The following MOCS1 variants were observed in gnomAD, a reference collection of about 807,000 sequenced individuals.
MOCS1 encodes molybdenum cofactor biosynthesis protein 1.
A neutral mutation model predicts 57.6 loss-of-function variants in MOCS1; 39 were observed. That is an observed-to-expected ratio of 0.68 (90% CI 0.52 to 0.88). The LOEUF (loss-of-function observed/expected upper bound fraction) is 0.88. MOCS1 is among the 40% of genes least tolerant of loss of function. MOCS1 has a pLI of 0.00. For synonymous variants in MOCS1, 334 were observed against 335.7 expected, an observed-to-expected ratio of 1.00 and a Z score of 0.05; for missense variants, 795 against 831.1, an observed-to-expected ratio of 0.96 and a Z score of 0.53.
Position 39,934,441 on chromosome 6 carries a change from C to CA in MOCS1, c.-25dup, listed in dbSNP as rs1768810852. 1 of 1,561,026 alleles carries CA rather than the reference C, an allele frequency of 6.4e-7. No individual in the cohort carries two copies. Among genetic ancestry groups the CA allele is most frequent in the African/African-American group, 1.3e-5 (1 of 74,152 alleles). ...ATGAAGCCTGATACGAGCGGAACCG[C>CA]AGCCCGCTTCGGGAGCACACTGGCC... On this transcript the variant is annotated 5_prime_UTR_variant, in exon 1 of 11. Transcript: ENST00000340692.
chr6:39,928,081 G>T (rs1395519218), intron 1 of MOCS1, among the ~76,000 whole-genome samples: 1 of 151,942 alleles, frequency 6.6e-6, no homozygotes, highest in Non-Finnish European at 1.5e-5. Context: ...ACTCCACAAG[G>T]GATTATTATA....
rs763161004 is a variant in MOCS1, at chr6:39,931,353, AG to A, written c.123+2941del. Among the ~76,000 whole-genome samples the A allele has an allele frequency of 6.8e-4, 103 of 151,680 alleles. 1 individual carries two copies. Among genetic ancestry groups the A allele is most frequent in the Non-Finnish European group, 1.3e-3 (86 of 68,020 alleles). On this transcript the variant is annotated intron_variant, in intron 1 of 10. Transcript: ENST00000340692. Reference sequence around the variant, plus strand: ...AGCTCCAAAGTCTAAACAGAGCAGCAGGGTTATTCGAGAGGAAAAAAAGCAC... The same window carrying A: ...AGCTCCAAAGTCTAAACAGAGCAGCAGGTTATTCGAGAGGAAAAAAAGCAC...
rs761620154 is a variant in MOCS1, at chr6:39,927,497, C to T, written c.124-42G>A. 1.4e-5 allele frequency: 23 copies of T among 1,609,858 alleles called. No individual in the cohort carries two copies. Among genetic ancestry groups the T allele is most frequent in the Middle Eastern group, 1.7e-4 (1 of 6,056 alleles). On this transcript the variant is annotated intron_variant, in intron 1 of 10. Transcript: ENST00000340692. ...GGGAGGAAGCATGGGCCCCTGCTAC[C>T]GGGCTGGGAAGAGGCACAAGGAGAA... is the stretch of plus-strand genomic sequence containing the variant.
Position 39,904,983 on chromosome 6 carries a change from A to G in MOCS1, c.*1374T>C, listed in dbSNP as rs772338186. 2.2e-6 allele frequency: 1 copy of G among 453,924 alleles called. No homozygotes were observed. Among genetic ancestry groups the G allele is most frequent in the South Asian group, 1.6e-5 (1 of 64,476 alleles). 28.1% of individuals were successfully genotyped at this position (453,924 alleles called of 1,614,324 possible). On this transcript the variant is annotated 3_prime_UTR_variant, in exon 11 of 11. Transcript: ENST00000340692. ...GAACCAATTGTTTACATTTTCAGAAATTTTGCAAGCCATTTGACATACTGG... is the reference window on the plus strand; with the variant it reads ...GAACCAATTGTTTACATTTTCAGAAGTTTTGCAAGCCATTTGACATACTGG...
rs773214986 is a variant in MOCS1 at position 39,934,395 on chromosome 6, C to T, written c.23G>A (p.Arg8Gln). The T allele has an allele frequency of 8.9e-6, 14 of 1,564,870 alleles. No individual in the cohort carries two copies. Among genetic ancestry groups the T allele is most frequent in the Non-Finnish European group, 1.1e-5 (13 of 1,160,184 alleles). The change falls in exon 1 of 11, where the codon CGG becomes CAG. Residue 8 changes from arginine (R) to glutamine (Q), a missense_variant. Arg to Gln is a conservative substitution (Grantham distance 43, BLOSUM62 1). Transcript: ENST00000340692. ...GGACCTCAGAAGCCGCCGCAGCATC[C>T]GGGACAGTGGCCGCGCCGCCATGAA... MAARPLS[R>Q]MLRRLLRSSA... is the part of the protein sequence containing the mutation.
intron 1 of MOCS1, among the ~76,000 whole-genome samples, chr6:39,934,082 G>A (rs908435300): frequency 1.3e-5 from 2 of 152,128 alleles, no homozygotes; most frequent in African/African-American, 2.4e-5. Flanking sequence ...GGGGCAGGGA[G>A]GTTCTGAAGC....
intron 1 of MOCS1, among the ~76,000 whole-genome samples, chr6:39,927,940 C>G (rs1768431232): frequency 6.6e-6 from 1 of 152,098 alleles, no homozygotes; most frequent in African/African-American, 2.4e-5. Flanking sequence ...TCCGTCTCCC[C>G]CTGACCTATC....
chr6:39,916,305 A>AT, intron 3 of MOCS1, 73 bp from the exon 4 acceptor site: 12 of 1,583,894 alleles, frequency 7.6e-6, no homozygotes, highest in Non-Finnish European at 1.0e-5. Context: ...GCTGGAAGGC[A>AT]AAACTCTTTG....
intron 2 of MOCS1, among the ~76,000 whole-genome samples, chr6:39,926,085 T>C (rs960896353): frequency 6.6e-6 from 1 of 152,206 alleles, no homozygotes; most frequent in African/African-American, 2.4e-5. Context: ...AATCTGGCCA[T>C]AACATCCCTC....
intron 10 of MOCS1, among the ~76,000 whole-genome samples, chr6:39,908,688 C>A (rs1406090349): frequency 6.6e-6 from 1 of 152,132 alleles, no homozygotes; most frequent in Non-Finnish European, 1.5e-5. Context: ...ACAGAGGACA[C>A]CTGTCACATT....
At chr6:39,927,505 G>T in intron 1 of MOCS1, 50 bp from the exon 2 acceptor site, 1 of 1,610,376 alleles carries the variant, frequency 6.2e-7, no homozygotes, top group Non-Finnish European at 8.5e-7. Flanking sequence ...ACCGGGCTGG[G>T]AAGAGGCACA....
chr6:39,916,186 G>A lies in MOCS1; in HGVS notation c.465C>T (p.Thr155=). ...LEGLRTIGVT[T]NGINLARLLP... ...GTAGCCGGGCCAGGTTGATGCCATT[G>A]GTGGTAACACCTATGGTTCTCAGCC... The change falls in exon 4 of 11, where the codon ACC becomes ACT. Residue 155 remains threonine (T), a synonymous_variant. Transcript: ENST00000340692. 1 of 1,614,032 alleles carries A rather than the reference G, an allele frequency of 6.2e-7. No homozygotes were observed. Among genetic ancestry groups the A allele is most frequent in the Non-Finnish European group, 8.5e-7 (1 of 1,180,000 alleles).
At chr6:39,934,227 G>A in intron 1 of MOCS1, 68 bp downstream of exon 1, 1 of 1,463,806 alleles carries the variant, frequency 6.8e-7, no homozygotes, top group Non-Finnish European at 9.0e-7. Flanking sequence ...AGCTACTGGG[G>A]GAAAAGGGCA....
chr6:39,925,563 C>T, intron 3 of MOCS1, 115 bp downstream of exon 3: 1 of 1,235,540 alleles, frequency 8.1e-7, no homozygotes, highest in Non-Finnish European at 1.2e-6. Flanking sequence ...TGTTGTAGGA[C>T]CAAGAGAGTG....
chr6:39,910,791 T>C (rs1228312464), intron 8 of MOCS1, among the ~76,000 whole-genome samples: 1 of 152,062 alleles, frequency 6.6e-6, no homozygotes, highest in East Asian at 1.9e-4. Context: ...AACAAAGAGG[T>C]TCCTCCTGTG....
At chr6:39,928,243 CA>C (rs1398441262) in intron 1 of MOCS1, among the ~76,000 whole-genome samples, 1 of 151,348 alleles carries the variant, frequency 6.6e-6, no homozygotes, top group Non-Finnish European at 1.5e-5. Context: ...TGGCTCACTG[CA>C]AACTCCACCT....
Position 39,905,962 on chromosome 6 carries a change from ATC to A in MOCS1, c.*393_*394del. The A allele has an allele frequency of 2.2e-6, 1 of 462,720 alleles. No individual in the cohort carries two copies. The highest frequency in any genetic ancestry group is 1.6e-5 in the South Asian group (1 of 64,122). The allele number at this position is 462,720 out of a possible 1,614,324, so 28.7% of individuals were successfully genotyped here. A position where few individuals can be genotyped will look rare whatever the true frequency, so the allele number is the denominator to read the frequency against. On this transcript the variant is annotated 3_prime_UTR_variant, in exon 11 of 11. Coordinates refer to ENST00000340692, the MANE Select transcript of MOCS1 (RefSeq NM_001358530.2). ...GGCTCCTCTGCTTAATGAGCGCTTA[ATC>A]TCTCCCCAGGAAAGCAGGAGAAGAG...
At chr6:39,932,525 A>G (rs533953588) in intron 1 of MOCS1, 50 of 152,302 alleles carry the variant, frequency 3.3e-4, no homozygotes, top group African/African-American at 1.2e-3. Context: ...AAGCAGCTAC[A>G]ATTATTGGCT....
rs2149422088 is a variant in MOCS1, at chr6:39,927,468, A to G, written c.124-13T>C. The G allele has an allele frequency of 6.2e-7, 1 of 1,610,190 alleles. No homozygotes were observed. On this transcript the variant is annotated splice_polypyrimidine_tract_variant and intron_variant, in intron 1 of 10. Coordinates refer to ENST00000340692, the MANE Select transcript of MOCS1 (RefSeq NM_001358530.2). ...GCCTGGACACCTCCTGCGAGGACAG[A>G]CCAGGGAGGAAGCATGGGCCCCTGC...
Sources: gnomAD v4.1 joint callset for allele counts (sites outside exome capture counted in the v4.1 genomes callset) on GRCh38, gnomAD v4.1.1 for gene constraint, MANE v1.5 for transcripts, NCBI Gene and HGNC (gene_info 2026-07-23, HGNC 2026-07-21) for gene names.